The following ZNF324B variants were observed in gnomAD, a reference collection of about 807,000 sequenced individuals.
ZNF324B encodes the protein zinc finger protein 324B.
A neutral mutation model predicts 10.6 loss-of-function variants in ZNF324B; 7 were observed. The ratio of observed to expected loss-of-function variants is 0.66; its 90% CI spans 0.38 to 1.24. The LOEUF is 1.24. Among genes scored for constraint, ZNF324B ranks in the 50% most tolerant of loss-of-function variants. The pLI is 0.02. For synonymous variants in ZNF324B, 316 were observed against 321.0 expected (o/e 0.98, Z 0.17); for missense variants, 640 against 764.7 (o/e 0.84, Z 1.92).
Position 58,451,651 on chromosome 19 carries a change from C to G in ZNF324B, c.-60C>G, listed in dbSNP as rs893187. 118,971 of 515,380 alleles carry G rather than the reference C, an allele frequency of 0.23. 15,102 individuals are homozygous for G. The highest frequency in any genetic ancestry group is 0.28 in the Non-Finnish European group (72,718 of 258,250). 31.9% of individuals were successfully genotyped at this position (515,380 alleles called of 1,614,324 possible). A position where few individuals can be genotyped will look rare whatever the true frequency, so the allele number is the denominator to read the frequency against. On this transcript the variant is annotated 5_prime_UTR_variant, in exon 1 of 4. Transcript: ENST00000336614. ...CTTGGCTGCTCGCGTCAGGCCACAC[C>G]GGTGGTCTGGGCTGTGGCGCGCGGG...
At chr19:58,442,183 A>T in the ZNF324B span, 1 of 31,404 alleles carries the variant, frequency 3.2e-5, no homozygotes, top group South Asian at 5.8e-4. Flanking sequence ...TTTTTTTGAG[A>T]CGGAGTCTCG....
Position 58,455,372 on chromosome 19 carries a change from A to T in ZNF324B, c.428A>T (p.Tyr143Phe), listed in dbSNP as rs1306125047. 2 of 1,614,114 alleles carry T rather than the reference A, an allele frequency of 1.2e-6. No homozygotes were observed. The highest frequency in any genetic ancestry group is 1.7e-6 in the Non-Finnish European group (2 of 1,180,024). The change falls in exon 4 of 4, where the codon TAC (tyrosine) becomes TTC (phenylalanine). Residue 143 changes from tyrosine to phenylalanine, a missense_variant. Tyr to Phe is a conservative substitution (Grantham distance 22). Transcript: ENST00000336614. The surrounding 1 kb of genome is among the most constrained non-coding windows in gnomAD (Gnocchi z 7.0). ...AAACCCACGGGGGTGTCGGTGATCT[A>T]CTGGGAGAGGCTCCTGCTAGGCTCG... ...ERKPTGVSVI[Y>F]WERLLLGSRS...
the ZNF324B span, chr19:58,428,771 A>G: frequency 2.0e-5 from 3 of 152,266 alleles, no homozygotes; most frequent in Non-Finnish European, 2.9e-5. Context: ...TTTAGAACAG[A>G]CATGTCCCCT....
the ZNF324B span, chr19:58,418,879 G>A: frequency 6.6e-6 from 1 of 152,184 alleles, no homozygotes; most frequent in Non-Finnish European, 1.5e-5. Flanking sequence ...CAAAGTGCTG[G>A]TATTATAGTT....
At chr19:58,443,149 C>T in the ZNF324B span, 1 of 152,220 alleles carries the variant, frequency 6.6e-6, no homozygotes, top group Non-Finnish European at 1.5e-5. Flanking sequence ...TTTAGCTAGA[C>T]AGAAAAGTTT....
In ZNF324B at chr19:58,456,883, G is replaced by C. The variant is rs768413813; in HGVS notation, c.*304G>C. On this transcript the variant is annotated 3_prime_UTR_variant, in exon 4 of 4. Transcript: ENST00000336614. The surrounding 1 kb of genome is among the most constrained non-coding windows in gnomAD (Gnocchi z 4.7). ...GCCATAGGACGCCGACAAAGGCAGC[G>C]CTGCATGGTGGTGCTACTTCATGTG... The C allele has an allele frequency of 2.0e-5, 10 of 494,018 alleles. No homozygotes were observed. Among genetic ancestry groups the C allele is most frequent in the Non-Finnish European group, 3.3e-5 (9 of 273,366 alleles). 30.6% of individuals were successfully genotyped at this position (494,018 alleles called of 1,614,324 possible).
upstream of ZNF324B, among the ~76,000 whole-genome samples, chr19:58,450,332 G>A (rs1470356525): frequency 2.0e-5 from 3 of 152,012 alleles, no homozygotes. Context: ...AGGCATCGTG[G>A]CTCCTGCCTG....
chr19:58,419,087 T>C, the ZNF324B span: 1 of 152,118 alleles, frequency 6.6e-6, no homozygotes, highest in African/African-American at 2.4e-5. Context: ...TTGGCCTAAT[T>C]TGTATTGGCC....
upstream of ZNF324B, among the ~76,000 whole-genome samples, chr19:58,450,922 T>C (rs772422967): frequency 4.7e-4 from 72 of 152,186 alleles, 1 homozygote; most frequent in East Asian, 1.9e-4. Flanking sequence ...TGTTGTGATG[T>C]GTGGGGCAAA....
chr19:58,421,186 T>C, the ZNF324B span, among the ~76,000 whole-genome samples: 1 of 152,034 alleles, frequency 6.6e-6, no homozygotes, highest in Non-Finnish European at 1.5e-5. Flanking sequence ...TCAGCGCCTT[T>C]TCCTGATTTC....
the ZNF324B span, among the ~76,000 whole-genome samples, chr19:58,431,366 T>G: frequency 9.2e-5 from 14 of 152,126 alleles, no homozygotes; most frequent in Non-Finnish European, 2.1e-4. Flanking sequence ...CAGAGAGGGA[T>G]CTAGGACAGA....
the ZNF324B span, chr19:58,440,073 C>T: frequency 2.0e-6 from 1 of 512,070 alleles, no homozygotes; most frequent in Non-Finnish European, 3.4e-6. Context: ...GTGACGGTCC[C>T]TGCACCCACT....
Position 58,456,715 on chromosome 19 carries a change from C to A in ZNF324B, c.*136C>A. The A allele has an allele frequency of 8.6e-7, 1 of 1,162,118 alleles. No homozygotes were observed. The highest frequency in any genetic ancestry group is 1.2e-6 in the Non-Finnish European group (1 of 843,524). The allele number at this position is 1,162,118 out of a possible 1,614,324, so 72.0% of individuals were successfully genotyped here. On this transcript the variant is annotated 3_prime_UTR_variant, in exon 4 of 4. Coordinates refer to ENST00000336614, the MANE Select transcript of ZNF324B (RefSeq NM_207395.3). This position sits in a 1 kb window ranked among gnomAD's most constrained non-coding sequence, Gnocchi z 4.7. ...GTCAGGGACGAGGGAGACCCTTTGG[C>A]TGTGGTTCCATTTGCAGGTGGGGAC...
In ZNF324B at chr19:58,455,506, C is replaced by T; in HGVS notation, c.562C>T (p.Gln188Ter). The T allele has an allele frequency of 6.2e-7, 1 of 1,614,034 alleles. No homozygotes were observed. The change falls in exon 4 of 4, where the codon CAG becomes TAG. Residue 188 changes from glutamine (Q) to a stop codon, truncating the protein, a stop_gained. Transcript: ENST00000336614. LOFTEE classifies it low-confidence loss of function (END_TRUNC). This position sits in a 1 kb window ranked among gnomAD's most constrained non-coding sequence, Gnocchi z 7.0. ...TFTEYRVPGR[Q>*]PRTPERQKPC... ...CACAGAGTACCGGGTGCCTGGGAGG[C>T]AGCCCAGGACGCCTGAGCGGCAGAA...
the ZNF324B span, chr19:58,433,143 T>C: frequency 7.5e-6 from 5 of 671,014 alleles, no homozygotes; most frequent in East Asian, 5.4e-5. Context: ...TTCTGCCTTA[T>C]GCTGCATGGG....
chr19:58,433,717 CATTCATTGCACTCAT>C, the ZNF324B span: 1 of 1,612,592 alleles, frequency 6.2e-7, no homozygotes, highest in Non-Finnish European at 8.5e-7. Context: ...GAATTTCCCA[CATTCATTGCACTCAT>C]AAGGCCTTTC....
the ZNF324B span, among the ~76,000 whole-genome samples, chr19:58,437,382 A>C: frequency 6.6e-6 from 1 of 152,110 alleles, no homozygotes; most frequent in South Asian, 2.1e-4. Flanking sequence ...CCCCCACCTA[A>C]CATGCCCTGG....
the ZNF324B span, among the ~76,000 whole-genome samples, chr19:58,425,521 A>T: frequency 7.9e-5 from 11 of 138,910 alleles, no homozygotes; most frequent in Non-Finnish European, 1.5e-5. Flanking sequence ...CCCAGGCTGG[A>T]GTGCAATGCC....
At chr19:58,418,999 C>T in the ZNF324B span, 3 of 152,132 alleles carry the variant, frequency 2.0e-5, no homozygotes, top group African/African-American at 7.2e-5. Context: ...GAGGGAATGG[C>T]TTTTGTGGAG....
Sources: gnomAD v4.1 joint callset for allele counts (sites outside exome capture counted in the v4.1 genomes callset) on GRCh38, gnomAD v4.1.1 for gene constraint, Gnocchi (gnomAD v3.1) non-coding constraint, MANE v1.5 for transcripts, NCBI Gene and HGNC (gene_info 2026-07-23, HGNC 2026-07-21) for gene names.